GRIK3: variants seen among roughly 807,000 people sequenced by gnomAD.
The protein encoded by GRIK3 is glutamate receptor ionotropic, kainate 3.
In GRIK3, 29 loss-of-function variants were observed where a neutral mutation model predicts 102.5. The ratio of observed to expected loss-of-function variants is 0.28; its 90% CI spans 0.21 to 0.39. GRIK3 has a LOEUF of 0.39. Among genes scored for constraint, GRIK3 ranks in the 10% least tolerant of loss-of-function variants. The pLI, the probability that GRIK3 is intolerant of heterozygous loss-of-function variation, is 1.00. For missense variants in GRIK3, 908 were observed against 1,252.4 expected, an observed-to-expected ratio of 0.73 and a Z score of 4.15; for synonymous variants, 511 against 504.9, an observed-to-expected ratio of 1.01 and a Z score of -0.16.
intron 13 of GRIK3, among the ~76,000 whole-genome samples, chr1:36,816,559 C>A (rs547124266): frequency 1.3e-5 from 2 of 152,336 alleles, no homozygotes; most frequent in Admixed American, 1.3e-4. Context: ...CACCAGCATT[C>A]CTAGAGTGTA....
chr1:36,996,683 C>T (rs1642422736), intron 1 of GRIK3, among the ~76,000 whole-genome samples: 1 of 152,206 alleles, frequency 6.6e-6, no homozygotes, highest in African/African-American at 2.4e-5. Context: ...CCACCGGGCG[C>T]TTTCCTCATT....
At chr1:36,984,850 T>C (rs559838430) in intron 1 of GRIK3, among the ~76,000 whole-genome samples, 1 of 152,258 alleles carries the variant, frequency 6.6e-6, no homozygotes, top group African/African-American at 2.4e-5. Context: ...AGCCAGGACA[T>C]TCCAGGCCTC....
At position 36,960,470 on chromosome 1, in the gene GRIK3, C is replaced by T. The variant is rs571179576; in HGVS notation, c.116-69374G>A. On this transcript the variant is annotated intron_variant, in intron 1 of 15. Transcript: ENST00000373091. ...TCACTGGGTGAATGGAAGTTAGAGG[C>T]CAGTGGGGTACTGGAAGCCCCTGGA... Among the ~76,000 whole-genome samples the T allele has an allele frequency of 2.2e-4, 33 of 152,326 alleles. 2 individuals carry two copies. The South Asian group carries it at 6.8e-3, about 32-fold the overall frequency.
intron 1 of GRIK3, among the ~76,000 whole-genome samples, chr1:36,929,176 A>C (rs769279826): frequency 6.6e-6 from 1 of 151,962 alleles, no homozygotes; most frequent in Non-Finnish European, 1.5e-5. Context: ...AACATCCAAG[A>C]CCACACTCTA....
intron 1 of GRIK3, among the ~76,000 whole-genome samples, chr1:36,968,812 TGCCTGTCGGGACAGCACTGACA>T: frequency 6.6e-6 from 1 of 152,368 alleles, no homozygotes; most frequent in Non-Finnish European, 1.5e-5. Context: ...GGAGCAGATG[TGCCTGTCGGGACAGCACTGACA>T]CCCCCACCTG....
At chr1:36,875,362 C>T (rs1640901802) in intron 3 of GRIK3, among the ~76,000 whole-genome samples, 1 of 152,252 alleles carries the variant, frequency 6.6e-6, no homozygotes, top group Non-Finnish European at 1.5e-5. Flanking sequence ...TGGCTGCCTT[C>T]TCAATAGCCA....
chr1:36,863,719 T>C (rs1429896339), intron 5 of GRIK3, among the ~76,000 whole-genome samples: 1 of 152,076 alleles, frequency 6.6e-6, no homozygotes, highest in Non-Finnish European at 1.5e-5. Flanking sequence ...CACAACAGAG[T>C]GCGTCAGACG....
At chr1:36,804,100 C>T (rs559805236) in intron 15 of GRIK3, among the ~76,000 whole-genome samples, 2 of 152,210 alleles carry the variant, frequency 1.3e-5, no homozygotes, top group Non-Finnish European at 2.9e-5. Flanking sequence ...ATTCCAACAT[C>T]GAGTATTATC....
chr1:36,929,501 C>T (rs1641564705), intron 1 of GRIK3, among the ~76,000 whole-genome samples: 1 of 152,206 alleles, frequency 6.6e-6, no homozygotes, highest in Admixed American at 6.5e-5. Context: ...TTCCATAGGA[C>T]ATGAATTTCT....
At chr1:36,947,764 G>A (rs1641800958) in intron 1 of GRIK3, among the ~76,000 whole-genome samples, 1 of 152,080 alleles carries the variant, frequency 6.6e-6, no homozygotes, top group South Asian at 2.1e-4. Context: ...CATGAAGCAG[G>A]ATAGTTTTAT....
intron 1 of GRIK3, among the ~76,000 whole-genome samples, chr1:36,911,119 G>GGAGA (rs1283813232): frequency 6.6e-6 from 1 of 152,148 alleles, no homozygotes; most frequent in African/African-American, 2.4e-5. Context: ...GACCCACTGG[G>GGAGA]GAGAGAGGGA....
chr1:37,026,565 G>A (rs563048160), intron 1 of GRIK3, among the ~76,000 whole-genome samples: 143 of 152,288 alleles, frequency 9.4e-4, no homozygotes, highest in Non-Finnish European at 1.7e-3. Context: ...AGAGCTTTAC[G>A]TACTTTATCT....
chr1:36,818,314 G>T (rs995292379), intron 12 of GRIK3, among the ~76,000 whole-genome samples: 11 of 152,172 alleles, frequency 7.2e-5, no homozygotes, highest in African/African-American at 2.7e-4. Context: ...GAACAAAGAC[G>T]ATGGACAAAA....
At position 36,819,982 on chromosome 1, in the gene GRIK3, G is replaced by A; in HGVS notation, c.1755-128C>T. ...CAATATCCTCATGGTTCTGCTGGGA[G>A]GCAGGGCAGGGGAATTTCTTCTTGT... On this transcript the variant is annotated intron_variant, in intron 11 of 15. Coordinates refer to ENST00000373091, the MANE Select transcript of GRIK3 (RefSeq NM_000831.4). This position sits in a 1 kb window ranked among gnomAD's most constrained non-coding sequence, Gnocchi z 4.1. The A allele has an allele frequency of 1.6e-6, 1 of 615,772 alleles. No individual in the cohort carries two copies. Among genetic ancestry groups the A allele is most frequent in the Non-Finnish European group, 3.0e-6 (1 of 334,604 alleles). 38.1% of individuals were successfully genotyped at this position (615,772 alleles called of 1,614,324 possible). A position where few individuals can be genotyped will look rare whatever the true frequency, so the allele number is the denominator to read the frequency against.
chr1:36,857,306 G>T (rs1640664391), intron 7 of GRIK3, among the ~76,000 whole-genome samples: 1 of 152,164 alleles, frequency 6.6e-6, no homozygotes, highest in Admixed American at 6.5e-5. Flanking sequence ...GGGGGTACAG[G>T]GGGCCAGAAG....
intron 1 of GRIK3, among the ~76,000 whole-genome samples, chr1:37,010,811 G>T (rs562852): frequency 0.16 from 23,536 of 146,568 alleles, 2,648 homozygotes; most frequent in African/African-American, 0.32. Context: ...GCGCAATCTC[G>T]GCTCACTGCA....
chr1:36,970,850 G>A (rs1481434771), intron 1 of GRIK3, among the ~76,000 whole-genome samples: 2 of 152,108 alleles, frequency 1.3e-5, no homozygotes, highest in African/African-American at 2.4e-5. Context: ...TCATGACTTT[G>A]TTCCCCCAAT....
chr1:37,008,940 T>C (rs1229904433), intron 1 of GRIK3, among the ~76,000 whole-genome samples: 2 of 152,166 alleles, frequency 1.3e-5, no homozygotes, highest in African/African-American at 4.8e-5. Flanking sequence ...GCAGCTGTGA[T>C]ATCGTTAAGA....
chr1:36,840,551 CAAAAAAAAAAA>C, intron 10 of GRIK3, among the ~76,000 whole-genome samples: 1 of 73,310 alleles, frequency 1.4e-5, no homozygotes, highest in Non-Finnish European at 2.5e-5. Flanking sequence ...TGCTCTCCAC[CAAAAAAAAAAA>C]AAAAAAAAAA....
Sources: allele counts gnomAD v4.1 joint callset (sites outside exome capture counted in the v4.1 genomes callset), GRCh38; gene constraint gnomAD v4.1.1; non-coding constraint Gnocchi (gnomAD v3.1); transcripts MANE v1.5; gene names NCBI Gene and HGNC (gene_info 2026-07-23, HGNC 2026-07-21).